TGM3: variants seen among roughly 807,000 people sequenced by gnomAD.
TGM3 encodes the protein transglutaminase 3, also known as protein-glutamine gamma-glutamyltransferase E.
Under a neutral mutation model 73.8 loss-of-function variants are expected in TGM3, and 52 were observed. That is an observed-to-expected ratio of 0.70 (90% confidence interval 0.56 to 0.89). The LOEUF is 0.89. TGM3 is among the 40% of genes least tolerant of loss of function. The probability of loss-of-function intolerance (pLI) is 0.00; values close to 1 mark genes in which losing one functional copy is unlikely to be tolerated. For missense variants in TGM3, 928 were observed against 909.9 expected, an observed-to-expected ratio of 1.02 and a Z score of -0.26; for synonymous variants, 372 against 354.9, an observed-to-expected ratio of 1.05 and a Z score of -0.54.
At chr20:2,314,898 T>G (rs949367104) in intron 5 of TGM3, among the ~76,000 whole-genome samples, 1 of 152,184 alleles carries the variant, frequency 6.6e-6, no homozygotes, top group South Asian at 2.1e-4. Context: ...GTTACTTGGT[T>G]AAAAATGTGA....
chr20:2,301,560 T>A (rs758063093), intron 1 of TGM3, among the ~76,000 whole-genome samples: 2 of 150,890 alleles, frequency 1.3e-5, no homozygotes, highest in Non-Finnish European at 3.0e-5. Context: ...AGAGAAAATA[T>A]CAGAGTATAT....
intron 8 of TGM3, among the ~76,000 whole-genome samples, chr20:2,326,748 G>A (rs1207898006): frequency 6.6e-6 from 1 of 152,070 alleles, no homozygotes; most frequent in Non-Finnish European, 1.5e-5. Flanking sequence ...TTGGGAGGCT[G>A]AGGTGGGAGA....
chr20:2,316,922 A>G (rs1429151631), intron 5 of TGM3, 146 bp from the exon 6 acceptor site: 12 of 938,428 alleles, frequency 1.3e-5, no homozygotes, highest in Middle Eastern at 3.4e-4. Flanking sequence ...ATCATCCCCA[A>G]GTCACCTAGA....
At chr20:2,318,617 C>T (rs907518343) in intron 7 of TGM3, among the ~76,000 whole-genome samples, 1 of 152,118 alleles carries the variant, frequency 6.6e-6, no homozygotes, top group Non-Finnish European at 1.5e-5. Context: ...ATAAAGTACC[C>T]ATCTATCTAT....
chr20:2,300,528 A>G (rs1449074891), intron 1 of TGM3, among the ~76,000 whole-genome samples: 1 of 152,156 alleles, frequency 6.6e-6, no homozygotes, highest in Non-Finnish European at 1.5e-5. Flanking sequence ...TGTCTAAGTC[A>G]TTGCTGCCTT....
Position 2,311,136 on chromosome 20 carries a change from G to A in TGM3, c.540+7G>A. The A allele has an allele frequency of 3.7e-6, 6 of 1,611,994 alleles. No individual in the cohort carries two copies. The highest frequency in any genetic ancestry group is 5.1e-6 in the Non-Finnish European group (6 of 1,178,106). On this transcript the variant is annotated splice_region_variant and intron_variant, in intron 4 of 12. Coordinates refer to ENST00000381458, the MANE Select transcript of TGM3 (RefSeq NM_003245.4). Reference sequence around the variant, plus strand: ...TGGCTGGAACTTTGGACAGGTAAAAGGGTCATAAGGAAGCTAAGGGTAATG... The same window carrying A: ...TGGCTGGAACTTTGGACAGGTAAAAAGGTCATAAGGAAGCTAAGGGTAATG...
chr20:2,325,936 G>C lies in TGM3; in HGVS notation c.1071G>C (p.Pro357=). The part of the protein sequence containing the change: ...YGGWQVLDAT[P]QERSQGVFQC... ...GATGGCAGGTGTTGGATGCTACCCCGCAGGAAAGAAGCCAAGGTAACTTCT... is the reference window on the plus strand; with the variant it reads ...GATGGCAGGTGTTGGATGCTACCCCCCAGGAAAGAAGCCAAGGTAACTTCT... Residue 357 remains proline, a synonymous_variant, in exon 8 of 13, where the codon CCG becomes CCC. Transcript: ENST00000381458. 1 of 1,593,726 alleles carries C rather than the reference G, an allele frequency of 6.3e-7. No homozygotes were observed. The highest frequency in any genetic ancestry group is 8.6e-7 in the Non-Finnish European group (1 of 1,168,878).
chr20:2,323,193 T>C (rs2084270536), intron 7 of TGM3, among the ~76,000 whole-genome samples: 1 of 152,238 alleles, frequency 6.6e-6, no homozygotes. Flanking sequence ...CAATTTGTAG[T>C]CTTTTATCCC....
intron 1 of TGM3, among the ~76,000 whole-genome samples, chr20:2,307,422 C>T (rs2084181852): frequency 6.6e-6 from 1 of 152,194 alleles, no homozygotes; most frequent in African/African-American, 2.4e-5. Context: ...AGTAACATCA[C>T]TCCTTCTCTT....
At chr20:2,318,443 A>T (rs565406232) in intron 7 of TGM3, among the ~76,000 whole-genome samples, 1 of 152,354 alleles carries the variant, frequency 6.6e-6, no homozygotes, top group East Asian at 1.9e-4. Flanking sequence ...ATGTGTAGAC[A>T]TATATCTGTA....
At position 2,306,649 on chromosome 20, in the gene TGM3, A is replaced by T. The variant is rs1052794703; in HGVS notation, c.8-3008A>T. ...GCGCCACCATGCCAGGCTAATTTTT[A>T]AATTTTTAGTAGAGACGGGGTTTTG... On this transcript the variant is annotated intron_variant, in intron 1 of 12. Coordinates refer to ENST00000381458, the MANE Select transcript of TGM3 (RefSeq NM_003245.4). Among the ~76,000 whole-genome samples, 5 of 151,670 alleles carry T rather than the reference A, an allele frequency of 3.3e-5. No individual in the cohort carries two copies. In the East Asian group the frequency reaches 9.7e-4, roughly 29 times the overall value.
rs1176134455 is a variant in TGM3, at chr20:2,317,938, TATATC to T, written c.983+458_983+462del. On this transcript the variant is annotated intron_variant, in intron 7 of 12. Transcript: ENST00000381458. ...TTCTCTTAGCATATATATATATATA[TATATC>T]ATATATATATATATATACACCTATT... Among the ~76,000 whole-genome samples, 361 of 140,984 alleles carry T rather than the reference TATATC, an allele frequency of 2.6e-3. 4 individuals carry two copies. The highest frequency in any genetic ancestry group is 8.5e-3 in the African/African-American group (315 of 36,876). The allele number at this position is 140,984 out of a possible 152,430, so 92.5% of individuals were successfully genotyped here. A position where few individuals can be genotyped will look rare whatever the true frequency, so the allele number is the denominator to read the frequency against.
intron 5 of TGM3, among the ~76,000 whole-genome samples, chr20:2,315,029 C>G (rs529462918): frequency 6.6e-6 from 1 of 152,064 alleles, no homozygotes; most frequent in Non-Finnish European, 1.5e-5. Flanking sequence ...ACTTAGTAGC[C>G]GAGGGAGAGT....
At chr20:2,335,778 GAC>G (rs1172165598) in intron 11 of TGM3, among the ~76,000 whole-genome samples, 4 of 152,142 alleles carry the variant, frequency 2.6e-5, no homozygotes, top group Non-Finnish European at 5.9e-5. Flanking sequence ...AAATAGGCCT[GAC>G]CCACAGCATC....
chr20:2,329,948 CTG>C (rs1286616934), intron 9 of TGM3, among the ~76,000 whole-genome samples: 2 of 152,110 alleles, frequency 1.3e-5, no homozygotes, highest in Non-Finnish European at 2.9e-5. Context: ...GCTTACATGA[CTG>C]TACGATCCTG....
intron 1 of TGM3, among the ~76,000 whole-genome samples, chr20:2,301,708 T>A (rs979384998): frequency 1.2e-4 from 17 of 146,630 alleles, no homozygotes; most frequent in Admixed American, 6.1e-4. Context: ...CTTTTTAGCA[T>A]TTTTTTTTTT....
At chr20:2,339,116 C>T (rs957741809) in intron 11 of TGM3, among the ~76,000 whole-genome samples, 11 of 152,214 alleles carry the variant, frequency 7.2e-5, no homozygotes, top group Non-Finnish European at 1.5e-4. Flanking sequence ...TTTAGAAGGA[C>T]ATTGGTAGAC....
intron 11 of TGM3, among the ~76,000 whole-genome samples, chr20:2,337,487 G>C (rs942090043): frequency 6.6e-6 from 1 of 152,168 alleles, no homozygotes; most frequent in African/African-American, 2.4e-5. Context: ...GGGAAGCCGA[G>C]GCAGGTGGAG....
At chr20:2,339,808 G>C in intron 11 of TGM3, 46 bp from the exon 12 acceptor site, 1 of 1,612,170 alleles carries the variant, frequency 6.2e-7, no homozygotes, top group Non-Finnish European at 8.5e-7. Flanking sequence ...TGCAGGCAGG[G>C]GCTGAGCAGC....
Sources: allele counts gnomAD v4.1 joint callset (sites outside exome capture counted in the v4.1 genomes callset), GRCh38; gene constraint gnomAD v4.1.1; transcripts MANE v1.5; gene names NCBI Gene and HGNC (gene_info 2026-07-23, HGNC 2026-07-21).